The following PDE4D variants were observed in gnomAD, a reference collection of about 807,000 sequenced individuals.
The protein encoded by PDE4D is phosphodiesterase 4D.
Under a neutral mutation model 87.4 loss-of-function variants are expected in PDE4D, and 24 were observed. That is an observed-to-expected ratio of 0.27 (90% CI 0.20 to 0.39). PDE4D has a LOEUF of 0.39. PDE4D is among the 10% of genes least tolerant of loss of function. The probability of loss-of-function intolerance (pLI) is 1.00; values close to 1 mark genes in which losing one functional copy is unlikely to be tolerated. For missense variants in PDE4D, 714 were observed against 1,041.0 expected (o/e 0.69, Z 4.32); for synonymous variants, 384 against 383.2 (o/e 1.00, Z -0.02).
chr5:59,245,014 T>TATTAC (rs1758565171), intron 1 of PDE4D, among the ~76,000 whole-genome samples: 1 of 151,962 alleles, frequency 6.6e-6, no homozygotes, highest in South Asian at 2.1e-4. Context: ...ATTTTGTAGT[T>TATTAC]AGAAAAACAT....
chr5:60,210,920 G>T (rs1452360945), intron 1 of PDE4D, among the ~76,000 whole-genome samples: 2 of 152,142 alleles, frequency 1.3e-5, no homozygotes, highest in Non-Finnish European at 2.9e-5. Flanking sequence ...GCTCTTTTAT[G>T]GCAGGCCAGG....
At chr5:59,979,677 G>A (rs572877013) in intron 3 of PDE4D, among the ~76,000 whole-genome samples, 2 of 152,126 alleles carry the variant, frequency 1.3e-5, no homozygotes, top group South Asian at 4.2e-4. Flanking sequence ...ATTTATTTTT[G>A]TTGAATTCCT....
chr5:60,080,423 T>C (rs1338079113), intron 2 of PDE4D, among the ~76,000 whole-genome samples: 4 of 152,204 alleles, frequency 2.6e-5, no homozygotes, highest in Non-Finnish European at 4.4e-5. Context: ...CAATGTAGAA[T>C]AGGAGTGGTG....
intron 1 of PDE4D, among the ~76,000 whole-genome samples, chr5:59,305,028 T>G (rs1402844615): frequency 6.6e-6 from 1 of 152,108 alleles, no homozygotes; most frequent in Non-Finnish European, 1.5e-5. Context: ...GGTCTTGGAC[T>G]TCTTTTTGTT....
At chr5:59,430,468 A>G (rs1795943344) in intron 1 of PDE4D, 1 of 1,219,156 alleles carries the variant, frequency 8.2e-7, no homozygotes, top group Non-Finnish European at 1.0e-6. Context: ...TCAGACCAGC[A>G]TTCCTGGGAA....
chr5:59,061,879 G>A (rs1007046457), intron 5 of PDE4D, among the ~76,000 whole-genome samples: 4 of 151,900 alleles, frequency 2.6e-5, no homozygotes, highest in Non-Finnish European at 5.9e-5. Flanking sequence ...AGTATAAAAC[G>A]GCTATAAGTA....
intron 1 of PDE4D, among the ~76,000 whole-genome samples, chr5:60,227,370 C>T (rs570586632): frequency 8.5e-5 from 13 of 152,058 alleles, no homozygotes; most frequent in Non-Finnish European, 1.3e-4. Flanking sequence ...ATATTTCATA[C>T]GATTCCCAGA....
At chr5:60,055,266 C>T (rs1770650787) in intron 2 of PDE4D, among the ~76,000 whole-genome samples, 2 of 151,810 alleles carry the variant, frequency 1.3e-5, no homozygotes, top group African/African-American at 2.4e-5. Flanking sequence ...AAAACTAAAA[C>T]CTTACAAAAG....
At chr5:59,762,893 A>AT (rs70975330) in intron 1 of PDE4D, among the ~76,000 whole-genome samples, 5 of 105,906 alleles carry the variant, frequency 4.7e-5, no homozygotes, top group Non-Finnish European at 7.9e-5. Context: ...ATATATATAT[A>AT]GCTTGCTCTT....
chr5:59,472,073 A>T (rs1802531894), intron 1 of PDE4D, among the ~76,000 whole-genome samples: 1 of 152,168 alleles, frequency 6.6e-6, no homozygotes, highest in Non-Finnish European at 1.5e-5. Context: ...GGGAAGAGCC[A>T]ATTTATGCAA....
chr5:60,032,597 T>C (rs541054821), intron 2 of PDE4D, among the ~76,000 whole-genome samples: 8 of 152,284 alleles, frequency 5.3e-5, no homozygotes, highest in Admixed American at 5.2e-4. Context: ...AAATCCTACC[T>C]TTTCTAGGAA....
chr5:60,474,688 G>C (rs957919191), intron 1 of PDE4D, among the ~76,000 whole-genome samples: 2 of 152,144 alleles, frequency 1.3e-5, no homozygotes, highest in Non-Finnish European at 2.9e-5. Flanking sequence ...CTAAACATGC[G>C]AAGTCATTCA....
chr5:60,091,807 C>T (rs1009170002), intron 2 of PDE4D, among the ~76,000 whole-genome samples: 5 of 152,014 alleles, frequency 3.3e-5, no homozygotes, highest in Non-Finnish European at 7.4e-5. Flanking sequence ...AATCCCAGCA[C>T]TTTGGGAGGC....
chr5:59,424,833 C>T (rs114961945), intron 1 of PDE4D, among the ~76,000 whole-genome samples: 156 of 152,296 alleles, frequency 1.0e-3, no homozygotes, highest in African/African-American at 3.5e-3. Flanking sequence ...CACACATTCA[C>T]AATCGATGGG....
At position 60,430,609 on chromosome 5, in the gene PDE4D, A is replaced by G. The variant is rs1320422053; in HGVS notation, c.-90+57333T>C. ...TCGCAGAGGGGGATTTGGCAGGGTC[A>G]TAGGACAATAGTGGAGGGAAGGTCA... On this transcript the variant is annotated intron_variant, in intron 1 of 16. Coordinates refer to the PDE4D transcript ENST00000502484. The G allele has an allele frequency of 1.5e-4, 34 of 220,334 alleles. No homozygotes were observed. In the South Asian group the frequency reaches 2.1e-3, roughly 14 times the overall value. The allele number at this position is 220,334 out of a possible 1,614,324, so 13.6% of individuals were successfully genotyped here.
At chr5:59,539,902 C>A (rs964139510) in intron 1 of PDE4D, among the ~76,000 whole-genome samples, 1 of 152,060 alleles carries the variant, frequency 6.6e-6, no homozygotes, top group South Asian at 2.1e-4. Context: ...TTGTCAAAGT[C>A]ATTTTAAGAG....
At chr5:59,633,277 G>C (rs1026140988) in intron 1 of PDE4D, among the ~76,000 whole-genome samples, 1 of 152,212 alleles carries the variant, frequency 6.6e-6, no homozygotes, top group African/African-American at 2.4e-5. Flanking sequence ...GTACCTGAAA[G>C]AGATGGGAAG....
intron 1 of PDE4D, among the ~76,000 whole-genome samples, chr5:59,334,059 G>T (rs1393643721): frequency 6.6e-6 from 1 of 151,612 alleles, no homozygotes; most frequent in Non-Finnish European, 1.5e-5. Context: ...TAAGTTATAG[G>T]GTTTTCTTTT....
chr5:59,662,027 G>A (rs1338916682), intron 1 of PDE4D, among the ~76,000 whole-genome samples: 1 of 152,136 alleles, frequency 6.6e-6, no homozygotes, highest in Non-Finnish European at 1.5e-5. Flanking sequence ...TGGGCTAATG[G>A]AATGTGAGTG....
Sources: allele counts gnomAD v4.1 joint callset (sites outside exome capture counted in the v4.1 genomes callset), GRCh38; gene constraint gnomAD v4.1.1; transcripts MANE v1.5; gene names NCBI Gene and HGNC (gene_info 2026-07-23, HGNC 2026-07-21).